Variants in TPD52 observed in about 807,000 individuals in gnomAD.
TPD52 encodes the protein tumor protein D52.
A neutral mutation model predicts 31.3 loss-of-function variants in TPD52; 17 were observed. The ratio of observed to expected loss-of-function variants is 0.54; its 90% CI spans 0.37 to 0.82. The LOEUF is 0.82. Among genes scored for constraint, TPD52 ranks in the 40% least tolerant of loss-of-function variants. The pLI, the probability that TPD52 is intolerant of heterozygous loss-of-function variation, is 0.00. For synonymous variants in TPD52, 83 were observed against 89.6 expected (o/e 0.93, Z 0.42); for missense variants, 212 against 240.1 (o/e 0.88, Z 0.77).
chr8:80,159,744 C>G (rs909443559), intron 1 of TPD52, among the ~76,000 whole-genome samples: 2 of 152,148 alleles, frequency 1.3e-5, no homozygotes, highest in African/African-American at 4.8e-5. Flanking sequence ...AGTTGTATTA[C>G]TAAAAATGAC....
chr8:80,086,694 T>C, intron 1 of TPD52, among the ~76,000 whole-genome samples: 1 of 151,186 alleles, frequency 6.6e-6, no homozygotes, highest in South Asian at 2.1e-4. Context: ...GCCAATATGG[T>C]GAATCCCCGT....
Position 80,107,922 on chromosome 8 carries a change from A to G in TPD52, c.20-43329T>C, listed in dbSNP as rs79774665. ...GCTAGATGTTTAAGATCATAAAACC[A>G]TAAATCCAACCTAAGAGGAAAATGT... On this transcript the variant is annotated intron_variant, in intron 1 of 7. Transcript: ENST00000518937. Among the ~76,000 whole-genome samples, 169 of 152,358 alleles carry G rather than the reference A, an allele frequency of 1.1e-3. 1 individual carries two copies. Among genetic ancestry groups the G allele is most frequent in the African/African-American group, 3.9e-3 (162 of 41,586 alleles).
rs1001681952 is a variant in TPD52 at position 80,054,949 on chromosome 8, G to A, written c.136-1519C>T. 2.6e-5 allele frequency among the ~76,000 whole-genome samples: 4 copies of A among 152,158 alleles called. No homozygotes were observed. The South Asian group carries it at 6.2e-4, about 24-fold the overall frequency. ...AGGACAAAAAAAGAGGAAAGAATAA[G>A]GTTCAAAATTAAGTAAATTAAATGA... On this transcript the variant is annotated intron_variant, in intron 2 of 7. Transcript: ENST00000518937.
intron 1 of TPD52, among the ~76,000 whole-genome samples, chr8:80,084,018 G>A (rs993905988): frequency 1.3e-5 from 2 of 152,154 alleles, no homozygotes; most frequent in African/African-American, 2.4e-5. Flanking sequence ...TCTACCAACC[G>A]GTACCACAGG....
rs534297357 is a variant in TPD52 at position 80,038,168 on chromosome 8, G to A, written c.572C>T (p.Ala191Val). 19 of 1,614,092 alleles carry A rather than the reference G, an allele frequency of 1.2e-5. No homozygotes were observed. The highest frequency in any genetic ancestry group is 6.7e-5 in the African/African-American group (5 of 75,030). Residue 191 changes from alanine (A) to valine (V), a missense_variant, in exon 8 of 8, where the codon GCT (alanine) becomes GTT (valine). By Grantham distance (64) the Ala-to-Val change is moderately conservative. Coordinates refer to ENST00000518937, the MANE Select transcript of TPD52 (RefSeq NM_001025253.3). ...FGEVLNSAAN[A>V]SATTTEPLPE... The stretch of plus-strand genomic sequence containing the variant: ...AAGAGGCTCCGTGGTGGTGGCACTA[G>A]CATTTGCAGCCGAATTCAAGACTTC...
chr8:80,124,861 C>A (rs554401087), intron 1 of TPD52, among the ~76,000 whole-genome samples: 97 of 152,224 alleles, frequency 6.4e-4, no homozygotes, highest in Admixed American at 2.2e-3. Context: ...AGGTTCTCAG[C>A]AAAATTGAGC....
intron 1 of TPD52, among the ~76,000 whole-genome samples, chr8:80,094,433 TATA>T (rs1816539682): frequency 3.5e-4 from 2 of 5,640 alleles, no homozygotes; most frequent in South Asian, 7.6e-3. Context: ...GAAAATTTTA[TATA>T]TATATATATA....
chr8:80,171,373 TCCAAGC>T (rs1183025772), intron 1 of TPD52, 46 bp downstream of exon 1: 1 of 584,276 alleles, frequency 1.7e-6, no homozygotes, highest in African/African-American at 2.5e-4. Flanking sequence ...AAAGCCCGAG[TCCAAGC>T]CCGAGTCCAA....
At chr8:80,072,317 A>ATGTGTATGTGTG (rs1554582867) in intron 1 of TPD52, among the ~76,000 whole-genome samples, 1 of 121,312 alleles carries the variant, frequency 8.2e-6, no homozygotes, top group Admixed American at 7.8e-5. Flanking sequence ...AAAAACATAT[A>ATGTGTATGTGTG]TGTGTGTGTG....
intron 1 of TPD52, among the ~76,000 whole-genome samples, chr8:80,067,983 G>C (rs983907659): frequency 1.2e-4 from 18 of 152,112 alleles, no homozygotes; most frequent in Admixed American, 6.5e-4. Flanking sequence ...AACATGAAAG[G>C]TGGAAAATAA....
chr8:80,115,001 A>C (rs1225712842), intron 1 of TPD52, among the ~76,000 whole-genome samples: 4 of 152,250 alleles, frequency 2.6e-5, no homozygotes, highest in Non-Finnish European at 5.9e-5. Flanking sequence ...TTTGAGGTAC[A>C]TCTGTACACA....
chr8:80,147,809 T>C (rs1275338987), intron 1 of TPD52, among the ~76,000 whole-genome samples: 1 of 151,734 alleles, frequency 6.6e-6, no homozygotes, highest in African/African-American at 2.4e-5. Context: ...CTGGAAAATG[T>C]GCACACACAC....
chr8:80,152,770 G>T (rs1810667188), intron 1 of TPD52, among the ~76,000 whole-genome samples: 1 of 35,490 alleles, frequency 2.8e-5, no homozygotes, highest in African/African-American at 2.8e-4. Context: ...GAAAGTGTGA[G>T]ACTCCGTCTC....
intron 1 of TPD52, among the ~76,000 whole-genome samples, chr8:80,166,232 G>A (rs1388042388): frequency 6.6e-6 from 1 of 152,226 alleles, no homozygotes; most frequent in Non-Finnish European, 1.5e-5. Context: ...AGAATCACTC[G>A]AACCCAGGAG....
intron 1 of TPD52, among the ~76,000 whole-genome samples, chr8:80,097,536 T>C (rs1200705582): frequency 1.3e-5 from 2 of 152,174 alleles, no homozygotes; most frequent in Non-Finnish European, 2.9e-5. Context: ...GATCTGATTG[T>C]TTAAAAGTGT....
intron 1 of TPD52, among the ~76,000 whole-genome samples, chr8:80,106,416 G>T (rs932468686): frequency 2.0e-5 from 3 of 152,136 alleles, no homozygotes; most frequent in Non-Finnish European, 4.4e-5. Context: ...GAGTGCAGTG[G>T]TGCGATCTTG....
chr8:80,148,317 AGTGTGT>A (rs34231994), intron 1 of TPD52, among the ~76,000 whole-genome samples: 1 of 143,886 alleles, frequency 6.9e-6, no homozygotes, highest in Non-Finnish European at 1.5e-5. Flanking sequence ...TTCCTGGCTA[AGTGTGT>A]GTGTGTGTGT....
intron 1 of TPD52, chr8:80,080,416 T>G (rs201398738): frequency 1.2e-4 from 186 of 1,614,212 alleles, no homozygotes; most frequent in Non-Finnish European, 1.5e-4. Context: ...AAACGGGGAC[T>G]GGTAGTCCTC....
At chr8:80,072,981 G>A (rs1220813385) in intron 1 of TPD52, among the ~76,000 whole-genome samples, 4 of 152,062 alleles carry the variant, frequency 2.6e-5, no homozygotes, top group East Asian at 1.9e-4. Flanking sequence ...GCGCACACCT[G>A]TAATCCCATC....
Sources: gnomAD v4.1 joint callset for allele counts (sites outside exome capture counted in the v4.1 genomes callset) on GRCh38, gnomAD v4.1.1 for gene constraint, MANE v1.5 for transcripts, NCBI Gene and HGNC (gene_info 2026-07-23, HGNC 2026-07-21) for gene names.